Variants in BACH2 observed in about 807,000 individuals in gnomAD.
BACH2 encodes the protein BACH transcriptional regulator 2.
In BACH2, 5 loss-of-function variants were observed where a neutral mutation model predicts 61.8. The ratio of observed to expected loss-of-function variants is 0.08; its 90% CI spans 0.04 to 0.17. The LOEUF is 0.17. Among genes scored for constraint, BACH2 ranks in the 10% least tolerant of loss-of-function variants. The pLI, the probability that BACH2 is intolerant of heterozygous loss-of-function variation, is 1.00. For missense variants in BACH2, 824 were observed against 1,091.1 expected, an observed-to-expected ratio of 0.76 and a Z score of 3.45; for synonymous variants, 446 against 440.1, an observed-to-expected ratio of 1.01 and a Z score of -0.17.
At chr6:90,250,101 G>C (rs1313082725) in intron 3 of BACH2, among the ~76,000 whole-genome samples, 1 of 152,130 alleles carries the variant, frequency 6.6e-6, no homozygotes, top group African/African-American at 2.4e-5. Flanking sequence ...TACTGATCTA[G>C]GCCTGAACTT....
intron 6 of BACH2, among the ~76,000 whole-genome samples, chr6:89,957,682 C>T (rs564832123): frequency 6.6e-5 from 10 of 152,204 alleles, no homozygotes; most frequent in Middle Eastern, 3.4e-3. Context: ...CTGGGACTAT[C>T]GGCATATACC....
chr6:90,047,290 G>A (rs1779828918), intron 5 of BACH2, among the ~76,000 whole-genome samples: 1 of 152,330 alleles, frequency 6.6e-6, no homozygotes, highest in South Asian at 2.1e-4. Context: ...ATGGGGGGCA[G>A]AGGTGGCAGG....
At chr6:90,255,857 G>A (rs1770959708) in intron 2 of BACH2, among the ~76,000 whole-genome samples, 1 of 152,120 alleles carries the variant, frequency 6.6e-6, no homozygotes, top group Non-Finnish European at 1.5e-5. Context: ...GGAACGAAGG[G>A]GCCAGTCCTG....
At chr6:89,986,129 C>A (rs1476635513) in intron 6 of BACH2, among the ~76,000 whole-genome samples, 1 of 152,016 alleles carries the variant, frequency 6.6e-6, no homozygotes, top group African/African-American at 2.4e-5. Flanking sequence ...CAGCCCCCTG[C>A]CTGTGGAGGG....
In BACH2 at chr6:90,136,342, CAG is replaced by C. The variant is rs1184932429; in HGVS notation, c.-161-47235_-161-47234del. 3.9e-5 allele frequency among the ~76,000 whole-genome samples: 6 copies of C among 152,332 alleles called. No homozygotes were observed. The East Asian group carries it at 1.2e-3, about 29-fold the overall frequency. Reference sequence around the variant, plus strand: ...TATGGAAAGAGCCTGGTTTTGGAGTCAGAGAGATCTGATTTCAAATCCTTGCC... The same window carrying C: ...TATGGAAAGAGCCTGGTTTTGGAGTCAGAGATCTGATTTCAAATCCTTGCC... On this transcript the variant is annotated intron_variant, in intron 4 of 8. Coordinates refer to ENST00000257749, the MANE Select transcript of BACH2 (RefSeq NM_021813.4).
chr6:90,265,516 G>A (rs1357803865), intron 2 of BACH2, among the ~76,000 whole-genome samples: 2 of 152,162 alleles, frequency 1.3e-5, no homozygotes, highest in Non-Finnish European at 2.9e-5. Context: ...CTTAGTGATA[G>A]TGCATCTATC....
At chr6:90,148,531 G>C (rs1436011686) in intron 4 of BACH2, among the ~76,000 whole-genome samples, 6 of 151,586 alleles carry the variant, frequency 4.0e-5, no homozygotes, top group Admixed American at 3.9e-4. Context: ...AAAATGTCCA[G>C]TAATAAGCCA....
chr6:89,940,073 C>T (rs892765331), intron 7 of BACH2, among the ~76,000 whole-genome samples: 2 of 151,732 alleles, frequency 1.3e-5, no homozygotes, highest in African/African-American at 4.8e-5. Flanking sequence ...TAGAGTGGCA[C>T]GATTTTGACT....
chr6:90,160,537 T>C (rs1037301133), intron 4 of BACH2, among the ~76,000 whole-genome samples: 2 of 152,206 alleles, frequency 1.3e-5, no homozygotes, highest in Non-Finnish European at 2.9e-5. Context: ...AATAGTTTTA[T>C]TTTTACTAGC....
chr6:90,123,536 C>T (rs1026250065), intron 4 of BACH2, among the ~76,000 whole-genome samples: 1 of 151,186 alleles, frequency 6.6e-6, no homozygotes, highest in East Asian at 2.0e-4. Flanking sequence ...TTTGGGAGGC[C>T]GAGGCGGGCG....
intron 5 of BACH2, among the ~76,000 whole-genome samples, chr6:90,054,733 G>A (rs923506656): frequency 6.6e-6 from 1 of 152,142 alleles, no homozygotes; most frequent in African/African-American, 2.4e-5. Context: ...CAGTAGAGGC[G>A]GGCTGACACC....
intron 4 of BACH2, among the ~76,000 whole-genome samples, chr6:90,141,257 T>C (rs937293081): frequency 6.6e-6 from 1 of 152,180 alleles, no homozygotes; most frequent in African/African-American, 2.4e-5. Flanking sequence ...CTCGGCTCAC[T>C]GCAACCTCCA....
chr6:90,227,539 A>ACCCCTC (rs1769956658), intron 3 of BACH2, among the ~76,000 whole-genome samples: 1 of 151,838 alleles, frequency 6.6e-6, no homozygotes, highest in Non-Finnish European at 1.5e-5. Context: ...GCCTGCTCTG[A>ACCCCTC]CCCCTCCATT....
chr6:90,103,266 T>C (rs376410895), intron 4 of BACH2, among the ~76,000 whole-genome samples: 12 of 151,662 alleles, frequency 7.9e-5, no homozygotes, highest in Admixed American at 3.9e-4. Context: ...ATCTGACTAA[T>C]TGGGGAGGTG....
intron 4 of BACH2, among the ~76,000 whole-genome samples, chr6:90,137,769 C>T (rs1412008125): frequency 6.6e-6 from 1 of 152,102 alleles, no homozygotes; most frequent in Admixed American, 6.5e-5. Flanking sequence ...CTCTCCCCAA[C>T]CAGGATGATT....
chr6:90,111,775 T>C (rs1783183779), intron 4 of BACH2, among the ~76,000 whole-genome samples: 1 of 152,236 alleles, frequency 6.6e-6, no homozygotes, highest in Non-Finnish European at 1.5e-5. Flanking sequence ...AGCTGGTTTG[T>C]TGTCTGTATT....
chr6:90,188,731 C>G (rs1404392909), intron 4 of BACH2, among the ~76,000 whole-genome samples: 1 of 128,544 alleles, frequency 7.8e-6, no homozygotes, highest in Non-Finnish European at 1.6e-5. Context: ...TACTACCAAT[C>G]TAGTAATAAG....
chr6:89,939,361 C>T (rs1458256953), intron 7 of BACH2, among the ~76,000 whole-genome samples: 3 of 152,214 alleles, frequency 2.0e-5, no homozygotes, highest in African/African-American at 7.2e-5. Flanking sequence ...GAGAGATCTT[C>T]AGCCCAAACT....
intron 2 of BACH2, among the ~76,000 whole-genome samples, chr6:90,258,659 T>C (rs894661735): frequency 2.6e-5 from 4 of 152,240 alleles, no homozygotes; most frequent in African/African-American, 7.2e-5. Context: ...TTGGGTACTA[T>C]GGACATTTCA....
Sources: gnomAD v4.1 joint callset for allele counts (sites outside exome capture counted in the v4.1 genomes callset) on GRCh38, gnomAD v4.1.1 for gene constraint, MANE v1.5 for transcripts, NCBI Gene and HGNC (gene_info 2026-07-23, HGNC 2026-07-21) for gene names.